The following OPN5 variants were observed in gnomAD, a reference collection of about 807,000 sequenced individuals.
OPN5 encodes opsin-5.
Under a neutral mutation model 41.7 loss-of-function variants are expected in OPN5, and 18 were observed. The observed-to-expected ratio is 0.43, with a 90% confidence interval of 0.30 to 0.64. The LOEUF (loss-of-function observed/expected upper bound fraction) is 0.64, where lower values mean the gene tolerates loss of function less well. Ranked by LOEUF, OPN5 falls within the 30% of genes least tolerant of loss-of-function variation. The pLI, the probability that OPN5 is intolerant of heterozygous loss-of-function variation, is 0.13. For missense variants in OPN5, 318 were observed against 434.5 expected (o/e 0.73, Z 2.38); for synonymous variants, 178 against 164.3 (o/e 1.08, Z -0.64).
chr6:47,819,353 A>ATATATATATATATATAT (rs1491208722), intron 6 of OPN5, among the ~76,000 whole-genome samples: 2 of 84,868 alleles, frequency 2.4e-5, no homozygotes, highest in African/African-American at 7.5e-5. Flanking sequence ...ATATATATAT[A>ATATATATATATATATAT]AAAAATATAT....
rs756967431 is a variant in OPN5 at position 47,795,608 on chromosome 6, A to G, written c.756+45A>G. 7 of 1,327,026 alleles carry G rather than the reference A, an allele frequency of 5.3e-6. No individual in the cohort carries two copies. The African/African-American group carries it at 1.0e-4, about 19-fold the overall frequency. 82.2% of individuals were successfully genotyped at this position (1,327,026 alleles called of 1,614,324 possible). On this transcript the variant is annotated intron_variant, in intron 4 of 6. Transcript: ENST00000371211. ...ACACATGTGTTTTCTGACTACTTAC[A>G]ACTTCATAGGGTACAAAGGATAGGG...
chr6:47,782,282 C>A, intron 1 of OPN5, 86 bp downstream of exon 1: 1 of 1,341,068 alleles, frequency 7.5e-7, no homozygotes, highest in Non-Finnish European at 1.0e-6. Context: ...GATTCTGATA[C>A]TTAAGTGGAT....
chr6:47,819,077 A>G (rs567157448), intron 6 of OPN5, among the ~76,000 whole-genome samples: 1 of 152,074 alleles, frequency 6.6e-6, no homozygotes, highest in Admixed American at 6.6e-5. Context: ...CCTGCCAAAA[A>G]AATATGCTTG....
At chr6:47,821,720 A>G (rs1762628200) in intron 6 of OPN5, among the ~76,000 whole-genome samples, 1 of 152,130 alleles carries the variant, frequency 6.6e-6, no homozygotes, top group African/African-American at 2.4e-5. Context: ...CCTATATTAG[A>G]GTTTCATGGG....
intron 1 of OPN5, among the ~76,000 whole-genome samples, chr6:47,785,243 C>A (rs1430635293): frequency 6.6e-6 from 1 of 152,144 alleles, no homozygotes; most frequent in East Asian, 1.9e-4. Flanking sequence ...TTTTGCTTTC[C>A]TAGCTGGTTT....
chr6:47,808,863 G>A (rs1338443571), intron 5 of OPN5, among the ~76,000 whole-genome samples: 1 of 152,148 alleles, frequency 6.6e-6, no homozygotes, highest in African/African-American at 2.4e-5. Flanking sequence ...CTCTGTGCCA[G>A]ATTTCTTTTA....
exon 2 of OPN5, chr6:47,786,609 A>G (rs1226912680): frequency 6.2e-7 from 1 of 1,613,510 alleles, no homozygotes; most frequent in South Asian, 1.1e-5. Flanking sequence ...CTATCAATTT[A>G]GCAGTCTGTG....
intron 2 of OPN5, among the ~76,000 whole-genome samples, chr6:47,791,398 A>G (rs1404859917): frequency 6.6e-6 from 1 of 152,146 alleles, no homozygotes; most frequent in African/African-American, 2.4e-5. Context: ...GATTTTATTC[A>G]TTTCCCCTTT....
chr6:47,817,289 A>G (rs1762458619), intron 6 of OPN5, among the ~76,000 whole-genome samples: 1 of 152,138 alleles, frequency 6.6e-6, no homozygotes, highest in Non-Finnish European at 1.5e-5. Context: ...AGTTGGGAGC[A>G]CAACTTCTTA....
chr6:47,783,913 CA>C (rs1159708619), intron 1 of OPN5, among the ~76,000 whole-genome samples: 3 of 152,138 alleles, frequency 2.0e-5, no homozygotes, highest in African/African-American at 4.8e-5. Context: ...CAAATCTCTC[CA>C]GACAACACAA....
intron 4 of OPN5, among the ~76,000 whole-genome samples, chr6:47,801,006 G>A (rs1314561052): frequency 6.6e-6 from 1 of 152,136 alleles, no homozygotes; most frequent in Non-Finnish European, 1.5e-5. Context: ...TTCTCTTAGT[G>A]TCCCTTATTT....
intron 1 of OPN5, among the ~76,000 whole-genome samples, chr6:47,786,070 T>A (rs946790759): frequency 3.3e-5 from 5 of 152,110 alleles, no homozygotes; most frequent in African/African-American, 1.2e-4. Flanking sequence ...CCCTTAGGAG[T>A]TGACAGTGAT....
At chr6:47,816,901 G>A (rs1049573327) in intron 6 of OPN5, among the ~76,000 whole-genome samples, 5 of 152,086 alleles carry the variant, frequency 3.3e-5, no homozygotes, top group Admixed American at 6.6e-5. Flanking sequence ...TATTCCAAGC[G>A]GGTTTTGTAG....
At chr6:47,790,766 T>C (rs1321695340) in intron 2 of OPN5, among the ~76,000 whole-genome samples, 1 of 152,134 alleles carries the variant, frequency 6.6e-6, no homozygotes, top group Non-Finnish European at 1.5e-5. Flanking sequence ...ACCTCCTCCT[T>C]TTCTATATTC....
chr6:47,805,749 C>T (rs1374728680), intron 4 of OPN5, among the ~76,000 whole-genome samples: 1 of 152,280 alleles, frequency 6.6e-6, no homozygotes, highest in Admixed American at 6.5e-5. Flanking sequence ...AATAGTGTTG[C>T]TTTAATTATT....
intron 6 of OPN5, among the ~76,000 whole-genome samples, chr6:47,813,967 A>G (rs1289170588): frequency 6.6e-6 from 1 of 152,154 alleles, no homozygotes. Flanking sequence ...AGCATTTGCA[A>G]CATAGGTAAA....
chr6:47,794,926 G>T, intron 3 of OPN5: 1 of 284,780 alleles, frequency 3.5e-6, no homozygotes, highest in Non-Finnish European at 6.6e-6. Context: ...TTTTCTCAAG[G>T]GCCTCCATTG....
downstream of OPN5, chr6:47,824,796 G>A: frequency 6.6e-6 from 1 of 152,008 alleles, no homozygotes; most frequent in Non-Finnish European, 1.5e-5. Flanking sequence ...TGAAGAATAA[G>A]AGGTTAAGCT....
At position 47,790,395 on chromosome 6, in the gene OPN5, C is replaced by G. The variant is rs73469763; in HGVS notation, c.251-1407C>G. ...ACCTACTTCCCCTTCAGGGGACACT[C>G]TCTCTCTCTTTCTCTCTCTCTGTGT... On this transcript the variant is annotated intron_variant, in intron 2 of 6. Coordinates refer to ENST00000371211, the Ensembl canonical transcript of OPN5. Among the ~76,000 whole-genome samples the G allele has an allele frequency of 3.8e-3, 551 of 146,862 alleles. 5 individuals are homozygous for G. Among genetic ancestry groups the G allele is most frequent in the Middle Eastern group, 0.017 (5 of 292 alleles).
Sources: gnomAD v4.1 joint callset for allele counts (sites outside exome capture counted in the v4.1 genomes callset) on GRCh38, gnomAD v4.1.1 for gene constraint, MANE v1.5 for transcripts, NCBI Gene and HGNC (gene_info 2026-07-23, HGNC 2026-07-21) for gene names.